Variants in AIRIM observed in about 807,000 individuals in gnomAD.
The protein encoded by AIRIM is AFG2 interacting ribosome maturation factor.
At chr1:37,682,989 C>T in the AIRIM span, 55 of 918,586 alleles carry the variant, frequency 6.0e-5, no homozygotes, top group Admixed American at 1.2e-3. Flanking sequence ...TCCCCAAGAC[C>T]CAGTCCTAAG....
the AIRIM span, chr1:37,683,668 C>T: frequency 2.2e-6 from 1 of 448,044 alleles, no homozygotes; most frequent in Non-Finnish European, 4.0e-6. Flanking sequence ...TCTGGGATCT[C>T]AGCATGGTGA....
At chr1:37,682,834 A>C in the AIRIM span, 2 of 356,392 alleles carry the variant, frequency 5.6e-6, no homozygotes, top group East Asian at 1.1e-4. Flanking sequence ...GAAAGACACT[A>C]TGTTCTTCAG....
the AIRIM span, chr1:37,691,608 G>A: frequency 6.4e-6 from 1 of 155,548 alleles, no homozygotes. Context: ...ATACCAAGAT[G>A]CACAGTTAGC....
the AIRIM span, chr1:37,682,158 C>T: frequency 6.6e-6 from 1 of 152,052 alleles, no homozygotes; most frequent in African/African-American, 2.4e-5. Flanking sequence ...TTCTAGTTTT[C>T]CTATGATCTT....
chr1:37,690,015 G>GTTTTTTTTTTT, the AIRIM span: 1 of 1,244,176 alleles, frequency 8.0e-7, no homozygotes, highest in African/African-American at 1.6e-5. Context: ...CAGAAGCAGG[G>GTTTTTTTTTTT]TTTTTTTTTT....
At chr1:37,685,961 A>G in the AIRIM span, among the ~76,000 whole-genome samples, 8 of 152,050 alleles carry the variant, frequency 5.3e-5, no homozygotes, top group African/African-American at 1.7e-4. Context: ...TGACCACCCT[A>G]TTTTAAATCA....
chr1:37,690,041 C>T, the AIRIM span: 446 of 1,413,126 alleles, frequency 3.2e-4, 3 homozygotes, highest in Middle Eastern at 5.3e-3. Context: ...TTTTTCGAGA[C>T]GGAGTCTCAC....
the AIRIM span, chr1:37,682,525 A>T: frequency 6.5e-6 from 1 of 152,702 alleles, no homozygotes; most frequent in Non-Finnish European, 1.5e-5. Flanking sequence ...CACTTCAAAG[A>T]CAAAGCATTC....
chr1:37,683,630 G>A, the AIRIM span: 4 of 564,784 alleles, frequency 7.1e-6, no homozygotes, highest in Middle Eastern at 5.0e-4. Context: ...TGTGCTACAG[G>A]GAAAGAGGAA....
chr1:37,685,193 G>A, the AIRIM span, among the ~76,000 whole-genome samples: 1 of 52,950 alleles, frequency 1.9e-5, no homozygotes, highest in Non-Finnish European at 3.4e-5. Context: ...GCTTTTTTTT[G>A]GGGGGGGGGG....
chr1:37,686,593 G>T, the AIRIM span: 1 of 791,618 alleles, frequency 1.3e-6, no homozygotes, highest in Non-Finnish European at 2.0e-6. Flanking sequence ...ACGTGTAGGA[G>T]CATGCCTGGC....
chr1:37,690,193 T>A, the AIRIM span: 1 of 1,187,614 alleles, frequency 8.4e-7, no homozygotes, highest in Non-Finnish European at 1.1e-6. Context: ...ATTTTTGTAT[T>A]TTTAGTAGAC....
At chr1:37,691,813 A>AC in the AIRIM span, among the ~76,000 whole-genome samples, 1 of 152,154 alleles carries the variant, frequency 6.6e-6, no homozygotes, top group Non-Finnish European at 1.5e-5. Flanking sequence ...CGCGCTGCGC[A>AC]CCCAGTCGAG....
the AIRIM span, chr1:37,686,366 C>T: frequency 6.2e-7 from 1 of 1,614,140 alleles, no homozygotes; most frequent in Non-Finnish European, 8.5e-7. Flanking sequence ...AGCATCAATG[C>T]CAACTGTGTC....
chr1:37,682,274 ACT>A, the AIRIM span: 1 of 152,074 alleles, frequency 6.6e-6, no homozygotes, highest in African/African-American at 2.4e-5. Flanking sequence ...TTCCCACAAC[ACT>A]CTGGGAAGCT....
chr1:37,685,595 C>A, the AIRIM span, among the ~76,000 whole-genome samples: 51 of 151,942 alleles, frequency 3.4e-4, no homozygotes, highest in African/African-American at 1.2e-3. Context: ...ACCATGTTGC[C>A]CAGGCTGGTC....
chr1:37,690,651 T>C, the AIRIM span: 1 of 262,700 alleles, frequency 3.8e-6, no homozygotes, highest in Non-Finnish European at 7.0e-6. Flanking sequence ...GACTGGCCAC[T>C]CGGCTTGAAG....
chr1:37,691,317 T>C, the AIRIM span: 1 of 152,272 alleles, frequency 6.6e-6, no homozygotes, highest in East Asian at 1.9e-4. Flanking sequence ...TTTCTTCGAT[T>C]GTTCCTCAAC....
At chr1:37,685,182 T>A in the AIRIM span, among the ~76,000 whole-genome samples, 79 of 96,606 alleles carry the variant, frequency 8.2e-4, no homozygotes, top group African/African-American at 3.1e-3. Context: ...GTCACTCGAA[T>A]GCTTTTTTTT....
Sources: allele counts gnomAD v4.1 joint callset (sites outside exome capture counted in the v4.1 genomes callset), GRCh38; gene constraint gnomAD v4.1.1; transcripts MANE v1.5; gene names NCBI Gene and HGNC (gene_info 2026-07-23, HGNC 2026-07-21).